The following CENPE variants were observed in gnomAD, a reference collection of about 807,000 sequenced individuals.
The protein encoded by CENPE is centromere-associated protein E.
A neutral mutation model predicts 336.1 loss-of-function variants in CENPE; 145 were observed. That is an observed-to-expected ratio of 0.43 (90% confidence interval 0.38 to 0.50). The LOEUF (loss-of-function observed/expected upper bound fraction) is 0.50. CENPE is among the 20% of genes least tolerant of loss of function. The pLI is 0.00. For synonymous variants in CENPE, 1,013 were observed against 984.8 expected (o/e 1.03, Z -0.54); for missense variants, 2,719 against 3,023.3 (o/e 0.90, Z 2.36).
rs766709650 is a variant in CENPE, at chr4:103,141,885, T to C, written c.5328A>G (p.Leu1776=). 1 of 1,599,998 alleles carries C rather than the reference T, an allele frequency of 6.3e-7. No homozygotes were observed. Among genetic ancestry groups the C allele is most frequent in the Admixed American group, 1.7e-5 (1 of 58,602 alleles). ...KAQDLKIQEE[L]RIAHMHLKEQ... is the part of the protein sequence containing the mutation. ...CTTTCAGATGCATGTGAGCAATTCT[T>C]AGTTCCTCTTGTATTTTCAGATCCT... The change falls in exon 35 of 49, where the codon CTA becomes CTG. Residue 1776 remains leucine, a synonymous_variant. Coordinates refer to ENST00000265148, the MANE Select transcript of CENPE (RefSeq NM_001813.3).
In CENPE at chr4:103,109,684, G is replaced by T. The variant is rs74977639; in HGVS notation, c.7725-595C>A. ...CTTCCTTGTTTTTATCCCTATTGGG[G>T]CCAAGCTAGTCCATGCTAAAATTAC... is the stretch of plus-strand genomic sequence containing the variant. On this transcript the variant is annotated intron_variant, in intron 47 of 48. Transcript: ENST00000265148. Among the ~76,000 whole-genome samples, 9 of 152,124 alleles carry T rather than the reference G, an allele frequency of 5.9e-5. No homozygotes were observed. The East Asian group carries it at 1.7e-3, about 29-fold the overall frequency.
intron 16 of CENPE, among the ~76,000 whole-genome samples, chr4:103,171,216 A>G (rs752798604): frequency 3.3e-5 from 5 of 152,158 alleles, no homozygotes; most frequent in Admixed American, 6.5e-5. Flanking sequence ...CAACAGCTGC[A>G]GAAAACACAT....
chr4:103,190,499 A>G (rs1757210432), intron 8 of CENPE, among the ~76,000 whole-genome samples: 1 of 152,228 alleles, frequency 6.6e-6, no homozygotes, highest in South Asian at 2.1e-4. Flanking sequence ...CATATCTACA[A>G]CTATCTGATC....
chr4:103,176,627 T>C (rs1211849994), intron 14 of CENPE, among the ~76,000 whole-genome samples: 1 of 152,136 alleles, frequency 6.6e-6, no homozygotes, highest in African/African-American at 2.4e-5. Context: ...GCAACGGGTC[T>C]TGGCTCACTG....
intron 13 of CENPE, among the ~76,000 whole-genome samples, chr4:103,177,549 G>A (rs1219201729): frequency 2.0e-5 from 3 of 151,842 alleles, no homozygotes; most frequent in African/African-American, 7.2e-5. Flanking sequence ...CAAATAAGAT[G>A]AGATGATACT....
intron 46 of CENPE, among the ~76,000 whole-genome samples, chr4:103,113,143 A>G (rs1244463557): frequency 4.6e-5 from 3 of 65,732 alleles, no homozygotes; most frequent in African/African-American, 1.6e-4. Context: ...TATACTTATA[A>G]GTATATAAGT....
At chr4:103,164,624 A>AAT (rs1271810682) in intron 16 of CENPE, among the ~76,000 whole-genome samples, 4 of 152,150 alleles carry the variant, frequency 2.6e-5, no homozygotes, top group Non-Finnish European at 1.5e-5. Flanking sequence ...TATATCAAAA[A>AAT]TATTTCTTCC....
At chr4:103,171,708 G>GTT (rs200758380) in intron 16 of CENPE, among the ~76,000 whole-genome samples, 5 of 141,922 alleles carry the variant, frequency 3.5e-5, no homozygotes, top group East Asian at 4.0e-4. Context: ...AAAATAAAGA[G>GTT]TTTTTTTTTT....
chr4:103,163,048 C>T, intron 18 of CENPE, 89 bp downstream of exon 18: 2 of 1,050,920 alleles, frequency 1.9e-6, no homozygotes, highest in Non-Finnish European at 2.7e-6. Flanking sequence ...ATACACAGCA[C>T]AAAGTAGGTC....
In CENPE at chr4:103,147,456, T is replaced by A. The variant is rs780425105; in HGVS notation, c.4034A>T (p.Lys1345Ile). The A allele has an allele frequency of 2.7e-5, 43 of 1,613,788 alleles. No individual in the cohort carries two copies. The highest frequency in any genetic ancestry group is 3.4e-5 in the Non-Finnish European group (40 of 1,179,858). The stretch of plus-strand genomic sequence containing the variant: ...GTTGTCTCTTTCCTTGGTTAGAGAT[T>A]TTATCTCTTCCTGACTTTCTTGAAA... ...EKFQESQEEI[K>I]SLTKERDNLK... The change falls in exon 29 of 49, where the codon AAA (lysine) becomes ATA (isoleucine). Residue 1345 changes from lysine (K) to isoleucine (I), a missense_variant. Physicochemically the swap from Lys to Ile is moderately radical, Grantham distance 102. This residue lies in a region of CENPE where 2,437 missense variants were observed against 2,513.3 expected (regional missense o/e 0.97). Transcript: ENST00000265148.
At chr4:103,108,293 A>G (rs1560582543) in intron 48 of CENPE, among the ~76,000 whole-genome samples, 1 of 151,404 alleles carries the variant, frequency 6.6e-6, no homozygotes, top group Non-Finnish European at 1.5e-5. Context: ...TTCCATGAGA[A>G]TTAAGCTCTA....
chr4:103,175,978 T>C lies in CENPE; in HGVS notation c.1461A>G (p.Ala487=). 6.3e-7 allele frequency: 1 copy of C among 1,599,622 alleles called. No individual in the cohort carries two copies. The highest frequency in any genetic ancestry group is 1.1e-5 in the South Asian group (1 of 89,528). ...AAGTTACCTGATTTAGTAGCTTTGTTGCTGGATTCCATTCTATCTCACTTA... is the reference window on the plus strand; with the variant it reads ...AAGTTACCTGATTTAGTAGCTTTGTCGCTGGATTCCATTCTATCTCACTTA... ...DTLSEIEWNP[A]TKLLNQENIE... Residue 487 remains alanine (A), a synonymous_variant, in exon 15 of 49, where the codon GCA becomes GCG. Coordinates refer to ENST00000265148, the MANE Select transcript of CENPE (RefSeq NM_001813.3).
rs142557236 is a variant in CENPE, at chr4:103,108,588, CTAAA to C, written c.8011+211_8011+214del. ...CGAAACTAAAGGCTTAAAGGGTAGA[CTAAA>C]GACTTCACTTGGGGTAAAAGTGAAT... On this transcript the variant is annotated intron_variant, in intron 48 of 48. Coordinates refer to ENST00000265148, the MANE Select transcript of CENPE (RefSeq NM_001813.3). Among the ~76,000 whole-genome samples the C allele has an allele frequency of 0.16, 24,471 of 151,960 alleles. 2,296 individuals are homozygous for C. The highest frequency in any genetic ancestry group is 0.2 in the Non-Finnish European group (13,702 of 67,902).
chr4:103,174,048 T>C (rs1330013332), intron 16 of CENPE, among the ~76,000 whole-genome samples: 4 of 151,802 alleles, frequency 2.6e-5, no homozygotes, highest in African/African-American at 9.7e-5. Flanking sequence ...ATATCTGCAT[T>C]CCCATATTTA....
At chr4:103,109,762 C>T (rs909038328) in intron 47 of CENPE, among the ~76,000 whole-genome samples, 4 of 152,166 alleles carry the variant, frequency 2.6e-5, no homozygotes, top group Non-Finnish European at 4.4e-5. Context: ...CTCTATAATG[C>T]TCTAGCAGCC....
At chr4:103,161,637 G>T (rs1444153057) in intron 18 of CENPE, among the ~76,000 whole-genome samples, 180 bp from the exon 19 acceptor site, 1 of 151,926 alleles carries the variant, frequency 6.6e-6, no homozygotes, top group Non-Finnish European at 1.5e-5. Context: ...AAAAATTCTG[G>T]TCATATTTTT....
intron 9 of CENPE, among the ~76,000 whole-genome samples, chr4:103,185,259 C>G (rs868372017): frequency 6.7e-6 from 1 of 149,200 alleles, no homozygotes; most frequent in East Asian, 2.0e-4. Context: ...GAGCTGAGAT[C>G]GTGCCACTGC....
chr4:103,145,543 T>A lies in CENPE; in HGVS notation c.4552A>T (p.Asn1518Tyr). 1 of 1,604,580 alleles carries A rather than the reference T, an allele frequency of 6.2e-7. No homozygotes were observed. Among genetic ancestry groups the A allele is most frequent in the Non-Finnish European group, 8.5e-7 (1 of 1,177,024 alleles). The change falls in exon 31 of 49, where the codon AAT (asparagine) becomes TAT (tyrosine). Residue 1518 changes from asparagine (N) to tyrosine (Y), a missense_variant. Asn to Tyr is a moderately radical substitution (Grantham distance 143, BLOSUM62 -2). This residue lies in a region of CENPE where 2,437 missense variants were observed against 2,513.3 expected (regional missense o/e 0.97). Transcript: ENST00000265148. ...TTTACCTTGTTCTGTAATTTATCAT[T>A]GATTGCTTCTAACTGCTTTTGAATG... ...STIQKQLEAINDKLQNKIQEI... is the reference protein window; with the variant it reads ...STIQKQLEAIYDKLQNKIQEI...
At chr4:103,165,013 A>G (rs1342413277) in intron 16 of CENPE, among the ~76,000 whole-genome samples, 2 of 152,194 alleles carry the variant, frequency 1.3e-5, no homozygotes, top group Non-Finnish European at 2.9e-5. Flanking sequence ...TAATTTAGAA[A>G]AGAAAATTTT....
Sources: gnomAD v4.1 joint callset for allele counts (sites outside exome capture counted in the v4.1 genomes callset) on GRCh38, gnomAD v4.1.1 for gene constraint, gnomAD v4.1.1 regional missense constraint, MANE v1.5 for transcripts, NCBI Gene and HGNC (gene_info 2026-07-23, HGNC 2026-07-21) for gene names.